Variants in CAMKMT observed in about 807,000 individuals in gnomAD.
CAMKMT encodes the protein calmodulin-lysine N-methyltransferase.
Under a neutral mutation model 48.0 loss-of-function variants are expected in CAMKMT, and 53 were observed. The ratio of observed to expected loss-of-function variants is 1.10; its 90% CI spans 0.89 to 1.39. The LOEUF (loss-of-function observed/expected upper bound fraction) is 1.39, where lower values mean the gene tolerates loss of function less well. Ranked by LOEUF, CAMKMT falls within the 40% of genes most tolerant of loss-of-function variation. The pLI is 0.00. For synonymous variants in CAMKMT, 165 were observed against 152.3 expected, an observed-to-expected ratio of 1.08 and a Z score of -0.61; for missense variants, 428 against 402.7, an observed-to-expected ratio of 1.06 and a Z score of -0.54.
chr2:44,760,468 G>A (rs343941), intron 9 of CAMKMT, among the ~76,000 whole-genome samples: 7,881 of 151,930 alleles, frequency 0.052, 232 homozygotes, highest in Admixed American at 0.074. Context: ...AAAATTAGCC[G>A]GGCATTATGG....
At chr2:44,448,718 T>C (rs1320008285) in intron 3 of CAMKMT, among the ~76,000 whole-genome samples, 3 of 152,202 alleles carry the variant, frequency 2.0e-5, no homozygotes, top group Non-Finnish European at 4.4e-5. Flanking sequence ...ATGCGTATGT[T>C]ATAAACTGTT....
rs751123107 is a variant in CAMKMT, at chr2:44,719,418, C to G, written c.623+4065C>G. Among the ~76,000 whole-genome samples, 10 of 152,086 alleles carry G rather than the reference C, an allele frequency of 6.6e-5. 1 individual carries two copies. The highest frequency in any genetic ancestry group is 5.2e-4 in the Admixed American group (8 of 15,260). On this transcript the variant is annotated intron_variant, in intron 7 of 10. Coordinates refer to ENST00000378494, the MANE Select transcript of CAMKMT (RefSeq NM_024766.5). ...AATATTTTGACCACCTTCTGTTTGC[C>G]AAGTCCTATTCTAGATGCTAGAGAT...
intron 3 of CAMKMT, among the ~76,000 whole-genome samples, chr2:44,460,958 A>C (rs906988253): frequency 2.0e-5 from 3 of 151,316 alleles, no homozygotes; most frequent in Non-Finnish European, 4.4e-5. Flanking sequence ...CCTGGCCTCA[A>C]AGTGATCCAC....
rs17032497 is a variant in CAMKMT, at chr2:44,658,925, A to G, written c.377-45358A>G. Among the ~76,000 whole-genome samples the G allele has an allele frequency of 3.3e-3, 506 of 152,224 alleles. 10 individuals carry two copies. In the East Asian group the frequency reaches 0.041, roughly 12 times the overall value. On this transcript the variant is annotated intron_variant, in intron 3 of 10. Transcript: ENST00000378494. ...TTAATTTCTGTGGCTTTCCTCAAAT[A>G]GGGTTTCAATACTATAGTTTGCCCT...
intron 3 of CAMKMT, among the ~76,000 whole-genome samples, chr2:44,419,958 T>G (rs1430745587): frequency 6.6e-6 from 1 of 152,188 alleles, no homozygotes; most frequent in Non-Finnish European, 1.5e-5. Context: ...CAATAGATGA[T>G]GTAATGCCAT....
chr2:44,759,176 T>C (rs1373977793), intron 9 of CAMKMT, among the ~76,000 whole-genome samples: 4 of 152,084 alleles, frequency 2.6e-5, no homozygotes, highest in Admixed American at 1.3e-4. Flanking sequence ...CAGGCTAGAG[T>C]ACAGTGGCAC....
chr2:44,734,507 T>C (rs1009044761), intron 7 of CAMKMT, among the ~76,000 whole-genome samples: 2 of 152,014 alleles, frequency 1.3e-5, no homozygotes, highest in Non-Finnish European at 2.9e-5. Flanking sequence ...CTCTGCCTCC[T>C]GGGTTCAAGC....
intron 3 of CAMKMT, among the ~76,000 whole-genome samples, chr2:44,458,959 G>C (rs1667715555): frequency 1.3e-5 from 2 of 152,078 alleles, no homozygotes; most frequent in South Asian, 4.1e-4. Flanking sequence ...AATAAGACAA[G>C]TAGGCAAAAA....
At position 44,692,774 on chromosome 2, in the gene CAMKMT, A is replaced by C. The variant is rs149386757; in HGVS notation, c.377-11509A>C. ...CCCAGACATAATCTAACCCAAGGCT[A>C]TCATTTTGCAGATGAGGTTACTGAA... On this transcript the variant is annotated intron_variant, in intron 3 of 10. Coordinates refer to ENST00000378494, the MANE Select transcript of CAMKMT (RefSeq NM_024766.5). Among the ~76,000 whole-genome samples the C allele has an allele frequency of 3.9e-3, 589 of 152,322 alleles. 5 individuals carry two copies. The highest frequency in any genetic ancestry group is 0.013 in the African/African-American group (561 of 41,570).
chr2:44,686,668 C>T (rs565761782), intron 3 of CAMKMT, among the ~76,000 whole-genome samples: 7 of 152,262 alleles, frequency 4.6e-5, no homozygotes, highest in Admixed American at 1.3e-4. Flanking sequence ...GCCCTCAGTG[C>T]TACATTTATG....
chr2:44,505,206 A>G (rs1260776034), intron 3 of CAMKMT, among the ~76,000 whole-genome samples: 1 of 152,188 alleles, frequency 6.6e-6, no homozygotes, highest in African/African-American at 2.4e-5. Context: ...CAAACAAACC[A>G]TATTGAAACT....
intron 3 of CAMKMT, among the ~76,000 whole-genome samples, chr2:44,673,854 G>T (rs1675506699): frequency 6.6e-6 from 1 of 152,080 alleles, no homozygotes; most frequent in African/African-American, 2.4e-5. Context: ...ACTTCTTCAG[G>T]GTGGGAACAA....
chr2:44,752,336 T>C (rs1680188934), intron 8 of CAMKMT, among the ~76,000 whole-genome samples: 2 of 151,068 alleles, frequency 1.3e-5, no homozygotes, highest in East Asian at 2.0e-4. Context: ...CGTATCCCAA[T>C]ATGGGGTTCA....
At chr2:44,607,199 T>G (rs1381366201) in intron 3 of CAMKMT, among the ~76,000 whole-genome samples, 1 of 152,234 alleles carries the variant, frequency 6.6e-6, no homozygotes, top group African/African-American at 2.4e-5. Context: ...ATTTACCTCT[T>G]TGATTACATT....
At chr2:44,755,378 C>T (rs1185408596) in intron 9 of CAMKMT, among the ~76,000 whole-genome samples, 1 of 152,106 alleles carries the variant, frequency 6.6e-6, no homozygotes, top group East Asian at 1.9e-4. Flanking sequence ...ATCCCCCCAC[C>T]CCTGTCGGCC....
At chr2:44,677,535 C>G (rs1353597900) in intron 3 of CAMKMT, among the ~76,000 whole-genome samples, 1 of 152,052 alleles carries the variant, frequency 6.6e-6, no homozygotes, top group African/African-American at 2.4e-5. Context: ...TGGCAAAACC[C>G]TATCTCTACT....
intron 3 of CAMKMT, among the ~76,000 whole-genome samples, chr2:44,488,843 T>G (rs1422210158): frequency 7.0e-6 from 1 of 141,966 alleles, no homozygotes; most frequent in Non-Finnish European, 1.5e-5. Flanking sequence ...CTTAGGGTAT[T>G]TGTGTGTGTG....
At chr2:44,517,656 G>A (rs1345796011) in intron 3 of CAMKMT, among the ~76,000 whole-genome samples, 3 of 152,094 alleles carry the variant, frequency 2.0e-5, no homozygotes, top group Non-Finnish European at 2.9e-5. Flanking sequence ...AGTGGAAAAC[G>A]GCAGTATCCT....
intron 3 of CAMKMT, among the ~76,000 whole-genome samples, chr2:44,518,942 T>G (rs1009843615): frequency 1.3e-5 from 2 of 152,128 alleles, no homozygotes; most frequent in African/African-American, 4.8e-5. Context: ...GTCCAGTATA[T>G]ACCTACCATA....
Sources: allele counts gnomAD v4.1 joint callset (sites outside exome capture counted in the v4.1 genomes callset), GRCh38; gene constraint gnomAD v4.1.1; transcripts MANE v1.5; gene names NCBI Gene and HGNC (gene_info 2026-07-23, HGNC 2026-07-21).